The following FAR1 variants were observed in gnomAD, a reference collection of about 807,000 sequenced individuals.
FAR1 encodes male sterility domain-containing protein 2.
Under a neutral mutation model 61.1 loss-of-function variants are expected in FAR1, and 22 were observed. That is an observed-to-expected ratio of 0.36 (90% CI 0.26 to 0.51). The LOEUF (loss-of-function observed/expected upper bound fraction) is 0.51. Among genes scored for constraint, FAR1 ranks in the 20% least tolerant of loss-of-function variants. FAR1 has a pLI of 0.95. For synonymous variants in FAR1, 206 were observed against 209.7 expected (o/e 0.98, Z 0.15); for missense variants, 359 against 626.9 (o/e 0.57, Z 4.56).
intron 1 of FAR1, among the ~76,000 whole-genome samples, chr11:13,677,090 T>C (rs1848075992): frequency 6.6e-6 from 1 of 152,218 alleles, no homozygotes; most frequent in Admixed American, 6.5e-5. Context: ...CTTTTCATTC[T>C]GGATCTCAGT....
chr11:13,725,265 T>C (rs1848657497), intron 10 of FAR1, among the ~76,000 whole-genome samples: 1 of 152,190 alleles, frequency 6.6e-6, no homozygotes, highest in African/African-American at 2.4e-5. Flanking sequence ...CCAAAGTGGT[T>C]GTATCAGTTT....
At chr11:13,684,637 C>G (rs1335606756) in intron 1 of FAR1, among the ~76,000 whole-genome samples, 1 of 152,142 alleles carries the variant, frequency 6.6e-6, no homozygotes, top group Non-Finnish European at 1.5e-5. Flanking sequence ...TCTATTGTGT[C>G]TTGGTGCTGG....
intron 1 of FAR1, among the ~76,000 whole-genome samples, chr11:13,680,480 A>G (rs1228256351): frequency 6.6e-6 from 1 of 152,190 alleles, no homozygotes; most frequent in Non-Finnish European, 1.5e-5. Flanking sequence ...TTTGTAAAGA[A>G]AAGAGGTTTA....
At chr11:13,728,494 A>T in intron 11 of FAR1, 118 bp from the exon 12 acceptor site, 1 of 904,350 alleles carries the variant, frequency 1.1e-6, no homozygotes, top group Non-Finnish European at 1.7e-6. Flanking sequence ...GCCTATCATA[A>T]GTTTCAAATT....
At position 13,730,918 on chromosome 11, in the gene FAR1, G is replaced by A. The variant is rs958788872; in HGVS notation, c.*2144G>A. ...GATTAGTATAAAGAGTATATAGATTGTTAATCCCCACCAGCTAGACTTTGA... is the reference window on the plus strand; with the variant it reads ...GATTAGTATAAAGAGTATATAGATTATTAATCCCCACCAGCTAGACTTTGA... On this transcript the variant is annotated 3_prime_UTR_variant, in exon 12 of 12. Coordinates refer to ENST00000354817, the MANE Select transcript of FAR1 (RefSeq NM_032228.6). 6.6e-6 allele frequency: 1 copy of A among 152,070 alleles called. No homozygotes were observed. Among genetic ancestry groups the A allele is most frequent in the African/African-American group, 2.4e-5 (1 of 41,420 alleles). 9.4% of individuals were successfully genotyped at this position (152,070 alleles called of 1,614,324 possible).
intron 1 of FAR1, among the ~76,000 whole-genome samples, chr11:13,691,356 A>G (rs989840323): frequency 2.6e-5 from 4 of 152,230 alleles, no homozygotes; most frequent in African/African-American, 7.2e-5. Context: ...ATAGTATCAC[A>G]TTGGCAAAAT....
At position 13,731,947 on chromosome 11, in the gene FAR1, A is replaced by G. The variant is rs1387790308; in HGVS notation, c.*3173A>G. On this transcript the variant is annotated 3_prime_UTR_variant, in exon 12 of 12. Transcript: ENST00000354817. ...GGAGAGCATCAGGCTGGGGTCAGGT[A>G]AGTGTAAATGGCCTTCTGAGCATGC... 6.6e-6 allele frequency: 1 copy of G among 152,170 alleles called. No individual in the cohort carries two copies. The highest frequency in any genetic ancestry group is 1.5e-5 in the Non-Finnish European group (1 of 68,030). The allele number at this position is 152,170 out of a possible 1,614,324, so 9.4% of individuals were successfully genotyped here.
rs71041539 is a variant in FAR1 at position 13,689,873 on chromosome 11, C to CTT, written c.-7-4867_-7-4866dup. Reference sequence around the variant, plus strand: ...CCTTTTCATGTGCTGTCATTTCGATCTTTTTTTTTTTTTTTTTTTTGAGTT... The same window carrying CTT: ...CCTTTTCATGTGCTGTCATTTCGATCTTTTTTTTTTTTTTTTTTTTTTGAGTT... On this transcript the variant is annotated intron_variant, in intron 1 of 11. Coordinates refer to ENST00000354817, the MANE Select transcript of FAR1 (RefSeq NM_032228.6). Among the ~76,000 whole-genome samples, 317 of 118,466 alleles carry CTT rather than the reference C, an allele frequency of 2.7e-3. 2 individuals carry two copies. Among genetic ancestry groups the CTT allele is most frequent in the Admixed American group, 3.7e-3 (41 of 11,192 alleles). 77.7% of individuals were successfully genotyped at this position (118,466 alleles called of 152,430 possible).
At chr11:13,728,395 G>A (rs962132429) in intron 11 of FAR1, among the ~76,000 whole-genome samples, 3 of 151,832 alleles carry the variant, frequency 2.0e-5, no homozygotes, top group Admixed American at 1.3e-4. Context: ...TCTGTACTGT[G>A]ATGTATGTAA....
intron 1 of FAR1, among the ~76,000 whole-genome samples, chr11:13,673,082 T>C (rs974590734): frequency 2.0e-5 from 3 of 152,216 alleles, no homozygotes; most frequent in Admixed American, 6.5e-5. Context: ...TAAACACTTA[T>C]AAATTCACCA....
Position 13,721,650 on chromosome 11 carries a change from GA to G in FAR1, c.1128-77del. The G allele has an allele frequency of 1.7e-6, 2 of 1,176,614 alleles. No homozygotes were observed. Among genetic ancestry groups the G allele is most frequent in the South Asian group, 2.9e-5 (2 of 69,778 alleles). 72.9% of individuals were successfully genotyped at this position (1,176,614 alleles called of 1,614,324 possible). A position where few individuals can be genotyped will look rare whatever the true frequency, so the allele number is the denominator to read the frequency against. On this transcript the variant is annotated intron_variant, in intron 9 of 11. Transcript: ENST00000354817. This position sits in a 1 kb window ranked among gnomAD's most constrained non-coding sequence, Gnocchi z 4.2. ...AATACTAATGTCTATATTATAGGGG[GA>G]AACTTGCACCCTGGGTGGTGATAGG... is the stretch of plus-strand genomic sequence containing the variant.
intron 1 of FAR1, among the ~76,000 whole-genome samples, chr11:13,681,948 C>T (rs1848132556): frequency 6.6e-6 from 1 of 152,112 alleles, no homozygotes; most frequent in Admixed American, 6.5e-5. Flanking sequence ...AAGAGTTTCT[C>T]TGAGTTTGTG....
At chr11:13,712,190 GTAT>G (rs1386727367) in intron 7 of FAR1, 144 bp downstream of exon 7, 2 of 604,882 alleles carry the variant, frequency 3.3e-6, no homozygotes, top group African/African-American at 3.7e-5. Context: ...CCAAGAGTTG[GTAT>G]TATCACAGAC....
At chr11:13,703,873 A>C (rs1848404298) in intron 3 of FAR1, among the ~76,000 whole-genome samples, 1 of 151,844 alleles carries the variant, frequency 6.6e-6, no homozygotes, top group African/African-American at 2.4e-5. Flanking sequence ...GTGAAACCTC[A>C]TCTCTGCTAA....
In FAR1 at chr11:13,731,054, C is replaced by T. The variant is rs1339079161; in HGVS notation, c.*2280C>T. The T allele has an allele frequency of 2.0e-5, 3 of 152,120 alleles. No individual in the cohort carries two copies. The highest frequency in any genetic ancestry group is 4.8e-5 in the African/African-American group (2 of 41,428). 9.4% of individuals were successfully genotyped at this position (152,120 alleles called of 1,614,324 possible). A position where few individuals can be genotyped will look rare whatever the true frequency, so the allele number is the denominator to read the frequency against. ...ACAAACTTCTTATTTAACAGGATAGCCTACTAAATTAAATGTTTCTTATTT... is the reference window on the plus strand; with the variant it reads ...ACAAACTTCTTATTTAACAGGATAGTCTACTAAATTAAATGTTTCTTATTT... On this transcript the variant is annotated 3_prime_UTR_variant, in exon 12 of 12. Transcript: ENST00000354817.
At chr11:13,727,380 G>A (rs1304260688) in intron 10 of FAR1, among the ~76,000 whole-genome samples, 176 bp from the exon 11 acceptor site, 1 of 151,862 alleles carries the variant, frequency 6.6e-6, no homozygotes, top group Admixed American at 6.6e-5. Context: ...TGGATGGTAT[G>A]AACTAGGAAT....
In FAR1 at chr11:13,729,260, TA is replaced by T. The variant is rs1289158935; in HGVS notation, c.*490del. On this transcript the variant is annotated 3_prime_UTR_variant, in exon 12 of 12. Transcript: ENST00000354817. ...AGTTGAAGTGGGTTTTAGTTTTGTT[TA>T]AAATTATAACCAGCGTATTTTCACA... 6.6e-6 allele frequency: 1 copy of T among 152,450 alleles called. No individual in the cohort carries two copies. 9.4% of individuals were successfully genotyped at this position (152,450 alleles called of 1,614,324 possible).
chr11:13,716,088 C>T (rs1198396787), intron 9 of FAR1, among the ~76,000 whole-genome samples: 1 of 152,050 alleles, frequency 6.6e-6, no homozygotes, highest in Non-Finnish European at 1.5e-5. Flanking sequence ...GCAATACTTG[C>T]CATTGGAAGC....
chr11:13,720,985 G>A (rs904874734), intron 9 of FAR1: 3 of 152,048 alleles, frequency 2.0e-5, no homozygotes, highest in African/African-American at 7.2e-5. Flanking sequence ...AAAGATTAAA[G>A]CTCCTTGTAC....
Sources: allele counts gnomAD v4.1 joint callset (sites outside exome capture counted in the v4.1 genomes callset), GRCh38; gene constraint gnomAD v4.1.1; non-coding constraint Gnocchi (gnomAD v3.1); transcripts MANE v1.5; gene names NCBI Gene and HGNC (gene_info 2026-07-23, HGNC 2026-07-21).